The following PXK variants were observed in gnomAD, a reference collection of about 807,000 sequenced individuals.
The protein encoded by PXK is PX domain-containing protein kinase-like protein.
A neutral mutation model predicts 84.7 loss-of-function variants in PXK; 35 were observed. That is an observed-to-expected ratio of 0.41 (90% CI 0.32 to 0.55). PXK has a LOEUF of 0.55. Among genes scored for constraint, PXK ranks in the 20% least tolerant of loss-of-function variants. The probability of loss-of-function intolerance (pLI) is 0.21; values close to 1 mark genes in which losing one functional copy is unlikely to be tolerated. For missense variants in PXK, 634 were observed against 699.7 expected (o/e 0.91, Z 1.06); for synonymous variants, 253 against 260.8 (o/e 0.97, Z 0.29).
intron 1 of PXK, among the ~76,000 whole-genome samples, chr3:58,342,221 G>A (rs2097748590): frequency 6.6e-6 from 1 of 152,016 alleles, no homozygotes; most frequent in Non-Finnish European, 1.5e-5. Context: ...CTCCTTTAAG[G>A]ATCTCATCAC....
chr3:58,368,474 C>T (rs546090658), intron 2 of PXK, among the ~76,000 whole-genome samples: 1 of 152,258 alleles, frequency 6.6e-6, no homozygotes, highest in Non-Finnish European at 1.5e-5. Context: ...AGGTGCTCGC[C>T]ACCATGCCCA....
intron 17 of PXK, chr3:58,413,166 G>A: frequency 1.6e-6 from 1 of 627,520 alleles, no homozygotes; most frequent in Non-Finnish European, 2.8e-6. Context: ...CACAGGGAAT[G>A]GACCGGTTTC....
In PXK at chr3:58,354,207, A is replaced by G. The variant is rs114835022; in HGVS notation, c.103-11667A>G. Among the ~76,000 whole-genome samples the G allele has an allele frequency of 2.3e-3, 344 of 152,220 alleles. 1 individual carries two copies. Among genetic ancestry groups the G allele is most frequent in the African/African-American group, 7.6e-3 (315 of 41,536 alleles). On this transcript the variant is annotated intron_variant, in intron 1 of 17. Transcript: ENST00000356151. ...TCTTGCTCCTTTAAACGGCATTGGC[A>G]GATAGTGTGAGTGGTGCCTATGGGA... is the stretch of plus-strand genomic sequence containing the variant.
intron 3 of PXK, among the ~76,000 whole-genome samples, chr3:58,377,265 G>A (rs2098451231): frequency 6.6e-6 from 1 of 151,636 alleles, no homozygotes; most frequent in Non-Finnish European, 1.5e-5. Flanking sequence ...TCTTCATTTG[G>A]CTGCATCATT....
intron 1 of PXK, among the ~76,000 whole-genome samples, chr3:58,336,705 T>C (rs1230017844): frequency 6.6e-6 from 1 of 152,172 alleles, no homozygotes; most frequent in East Asian, 1.9e-4. Context: ...ATAGCTGAAA[T>C]AGAAACCAGA....
intron 1 of PXK, among the ~76,000 whole-genome samples, chr3:58,347,456 T>G (rs2107913983): frequency 6.6e-6 from 1 of 152,366 alleles, no homozygotes; most frequent in East Asian, 1.9e-4. Flanking sequence ...TCCTTTCTAT[T>G]AATAGAATGT....
rs572732807 is a variant in PXK, at chr3:58,398,475, C to A, written c.1102+753C>A. ...CTAGTAGATAAGAGCCTAGCAGGCC[C>A]AGACCTAGGGCAGGCAGGCAGGAAT... On this transcript the variant is annotated intron_variant, in intron 11 of 17. Transcript: ENST00000356151. This position sits in a 1 kb window ranked among gnomAD's most constrained non-coding sequence, Gnocchi z 4.5. 3.0e-4 allele frequency among the ~76,000 whole-genome samples: 45 copies of A among 152,324 alleles called. No individual in the cohort carries two copies. Among genetic ancestry groups the A allele is most frequent in the Non-Finnish European group, 5.6e-4 (38 of 68,022 alleles).
In PXK at chr3:58,421,827, C is replaced by A. The variant is rs1016745646; in HGVS notation, c.1529-2925C>A. On this transcript the variant is annotated intron_variant, in intron 17 of 17. Transcript: ENST00000356151. This position sits in a 1 kb window ranked among gnomAD's most constrained non-coding sequence, Gnocchi z 5.5. ...TAAGAGAAAGTGAGATGGGAGAAAT[C>A]GGGACTGACCTGGTCGTAACTGAAG... The A allele has an allele frequency of 1.0e-6, 1 of 985,246 alleles. No homozygotes were observed. The highest frequency in any genetic ancestry group is 1.7e-5 in the African/African-American group (1 of 57,206). The allele number at this position is 985,246 out of a possible 1,614,324, so 61.0% of individuals were successfully genotyped here. A position where few individuals can be genotyped will look rare whatever the true frequency, so the allele number is the denominator to read the frequency against.
chr3:58,413,424 TC>T (rs1274235310), intron 17 of PXK: 1 of 161,426 alleles, frequency 6.2e-6, no homozygotes, highest in East Asian at 1.8e-4. Context: ...TTTCTGATTT[TC>T]TGGCAACGAT....
chr3:58,409,438 C>T lies in PXK; in HGVS notation c.1309-94C>T. ...AGCAAGGAAAGATTTTCTTTTATCC[C>T]AATAAAATGTGGTTTGCCAAAACAT... On this transcript the variant is annotated intron_variant, in intron 14 of 17. Coordinates refer to ENST00000356151, the MANE Select transcript of PXK (RefSeq NM_017771.5). This position sits in a 1 kb window ranked among gnomAD's most constrained non-coding sequence, Gnocchi z 4.2. 3 of 1,147,934 alleles carry T rather than the reference C, an allele frequency of 2.6e-6. No individual in the cohort carries two copies. The highest frequency in any genetic ancestry group is 4.8e-5 in the East Asian group (2 of 41,560). 71.1% of individuals were successfully genotyped at this position (1,147,934 alleles called of 1,614,324 possible). A position where few individuals can be genotyped will look rare whatever the true frequency, so the allele number is the denominator to read the frequency against.
intron 1 of PXK, among the ~76,000 whole-genome samples, chr3:58,354,519 T>C (rs569556096): frequency 1.5e-4 from 23 of 151,196 alleles, no homozygotes; most frequent in Non-Finnish European, 2.8e-4. Flanking sequence ...TGATCTCAGC[T>C]CACTGCAACC....
At chr3:58,373,126 T>A (rs2098400790) in intron 3 of PXK, among the ~76,000 whole-genome samples, 1 of 133,846 alleles carries the variant, frequency 7.5e-6, no homozygotes, top group African/African-American at 2.6e-5. Context: ...TCGCCCAGGC[T>A]GGAGTGCAGT....
chr3:58,366,561 C>A (rs954335738), intron 2 of PXK, among the ~76,000 whole-genome samples: 1 of 152,156 alleles, frequency 6.6e-6, no homozygotes, highest in African/African-American at 2.4e-5. Flanking sequence ...TCCACCTCCC[C>A]GCAACACTTC....
rs1296924765 is a variant in PXK, at chr3:58,401,114, A to G, written c.1181+1737A>G. ...GTCTTCCAGTCCTTAAGTGAATCCA[A>G]ATATTTTTTTCTTCACCTAAGTCTT... is the stretch of plus-strand genomic sequence containing the variant. On this transcript the variant is annotated intron_variant, in intron 12 of 17. Transcript: ENST00000356151. The surrounding 1 kb of genome is among the most constrained non-coding windows in gnomAD (Gnocchi z 4.4). Among the ~76,000 whole-genome samples the G allele has an allele frequency of 2.6e-5, 4 of 152,078 alleles. No individual in the cohort carries two copies. The highest frequency in any genetic ancestry group is 5.9e-5 in the Non-Finnish European group (4 of 68,016).
intron 1 of PXK, among the ~76,000 whole-genome samples, chr3:58,362,537 C>T (rs2098205254): frequency 6.6e-6 from 1 of 152,154 alleles, no homozygotes; most frequent in Non-Finnish European, 1.5e-5. Flanking sequence ...GGCTATCATT[C>T]CTCTATTGAA....
intron 1 of PXK, among the ~76,000 whole-genome samples, chr3:58,354,691 G>A (rs1287109268): frequency 1.3e-5 from 2 of 151,786 alleles, no homozygotes; most frequent in African/African-American, 2.4e-5. Context: ...CTTGTGAATC[G>A]CCCACCTCGG....
chr3:58,341,205 T>C (rs73835179), intron 1 of PXK, among the ~76,000 whole-genome samples: 6,987 of 152,250 alleles, frequency 0.046, 565 homozygotes, highest in African/African-American at 0.16. Flanking sequence ...CATTTAGTCT[T>C]CAGCTCACCT....
At chr3:58,392,752 C>G (rs1486167666) in intron 7 of PXK, among the ~76,000 whole-genome samples, 1 of 151,768 alleles carries the variant, frequency 6.6e-6, no homozygotes, top group East Asian at 2.0e-4. Context: ...ACCTCCACCT[C>G]CTGGGTTCAG....
Position 58,425,023 on chromosome 3 carries a change from A to G in PXK, c.*63A>G. 3 of 1,577,262 alleles carry G rather than the reference A, an allele frequency of 1.9e-6. No homozygotes were observed. Among genetic ancestry groups the G allele is most frequent in the Non-Finnish European group, 2.6e-6 (3 of 1,160,162 alleles). ...TATTCCTACTCACCCCTACCCCCCAAACTACCCTCTTCCTGGGAAAGTAAT... is the reference window on the plus strand; with the variant it reads ...TATTCCTACTCACCCCTACCCCCCAGACTACCCTCTTCCTGGGAAAGTAAT... On this transcript the variant is annotated 3_prime_UTR_variant, in exon 18 of 18. Transcript: ENST00000356151.
Sources: allele counts gnomAD v4.1 joint callset (sites outside exome capture counted in the v4.1 genomes callset), GRCh38; gene constraint gnomAD v4.1.1; non-coding constraint Gnocchi (gnomAD v3.1); transcripts MANE v1.5; gene names NCBI Gene and HGNC (gene_info 2026-07-23, HGNC 2026-07-21).